Variants in MAP3K21 observed in about 807,000 individuals in gnomAD.
MAP3K21 encodes mitogen-activated protein kinase kinase kinase MLK4.
MAP3K21 carries 63 observed loss-of-function variants against 86.1 expected under a neutral mutation model. That is an observed-to-expected ratio of 0.73 (90% CI 0.60 to 0.90). The LOEUF (loss-of-function observed/expected upper bound fraction) is 0.90, where lower values mean the gene tolerates loss of function less well. Among genes scored for constraint, MAP3K21 ranks in the 40% least tolerant of loss-of-function variants. The pLI, the probability that MAP3K21 is intolerant of heterozygous loss-of-function variation, is 0.00. For missense variants in MAP3K21, 1,220 were observed against 1,367.7 expected (o/e 0.89, Z 1.70); for synonymous variants, 558 against 564.8 (o/e 0.99, Z 0.17).
At chr1:233,356,987 A>G (rs1290394157) in intron 4 of MAP3K21, among the ~76,000 whole-genome samples, 1 of 152,224 alleles carries the variant, frequency 6.6e-6, no homozygotes, top group Non-Finnish European at 1.5e-5. Context: ...AGAAAGACTA[A>G]TGTCCGGGTG....
intron 5 of MAP3K21, among the ~76,000 whole-genome samples, chr1:233,364,071 G>A (rs2102759839): frequency 6.6e-6 from 1 of 152,176 alleles, no homozygotes; most frequent in Middle Eastern, 3.4e-3. Flanking sequence ...CATCATGAGA[G>A]TCCAGTATAT....
chr1:233,381,321 A>G (rs1558465582), intron 9 of MAP3K21, among the ~76,000 whole-genome samples: 3 of 152,218 alleles, frequency 2.0e-5, no homozygotes, highest in African/African-American at 4.8e-5. Context: ...CCTAATCTGT[A>G]CAATTGAGAT....
chr1:233,342,972 A>G (rs2102762077), intron 1 of MAP3K21, among the ~76,000 whole-genome samples: 1 of 152,274 alleles, frequency 6.6e-6, no homozygotes, highest in South Asian at 2.1e-4. Context: ...TGCTCTCTAA[A>G]TTTCAGTTAC....
At chr1:233,345,182 C>G (rs1026811983) in intron 1 of MAP3K21, among the ~76,000 whole-genome samples, 2 of 152,182 alleles carry the variant, frequency 1.3e-5, no homozygotes, top group Non-Finnish European at 2.9e-5. Flanking sequence ...GGCGATTCCT[C>G]AAGGATCTAG....
chr1:233,374,047 G>A (rs143036518), intron 6 of MAP3K21: 12 of 152,222 alleles, frequency 7.9e-5, no homozygotes, highest in East Asian at 3.9e-4. Flanking sequence ...AAGCTTTTCC[G>A]GTTCTGCTGC....
chr1:233,376,529 T>TA lies in MAP3K21; in HGVS notation c.1924+5dup, dbSNP rs779427367. ...CTTCATTGTTTGTGGACCAGCCAGGTAAATGTGTTTCAGGAGGTAGGATTT... is the reference window on the plus strand; with the variant it reads ...CTTCATTGTTTGTGGACCAGCCAGGTAAAATGTGTTTCAGGAGGTAGGATTT... On this transcript the variant is annotated splice_region_variant and intron_variant, in intron 8 of 9. Coordinates refer to ENST00000366624, the MANE Select transcript of MAP3K21 (RefSeq NM_032435.3). 6.2e-7 allele frequency: 1 copy of TA among 1,604,656 alleles called. No individual in the cohort carries two copies. The highest frequency in any genetic ancestry group is 1.7e-4 in the Middle Eastern group (1 of 6,050).
Position 233,362,095 on chromosome 1 carries a change from C to A in MAP3K21, c.1354C>A (p.Gln452Lys). 3.7e-6 allele frequency: 6 copies of A among 1,613,358 alleles called. No individual in the cohort carries two copies. Among genetic ancestry groups the A allele is most frequent in the Non-Finnish European group, 5.1e-6 (6 of 1,179,710 alleles). The change falls in exon 5 of 10, where the codon CAG becomes AAG. Residue 452 changes from glutamine (Q) to lysine (K), a missense_variant. Gln to Lys is a moderately conservative substitution (Grantham distance 53). Transcript: ENST00000366624. ...AGAGGAGCTGACTCGGGCGGCTCTG[C>A]AGCAGAAGTCTCAGGAGGAGCTGCT... is the stretch of plus-strand genomic sequence containing the variant. ...REEELTRAALQQKSQEELLKR... is the reference protein window; with the variant it reads ...REEELTRAALKQKSQEELLKR...
At position 233,370,778 on chromosome 1, in the gene MAP3K21, G is replaced by A. The variant is rs142180958; in HGVS notation, c.1553-1260G>A. ...TAGAGGAATGCAGGATTAGATTGCT[G>A]GGTTAAACGCAGACCTGGTTGATGT... On this transcript the variant is annotated intron_variant, in intron 5 of 9. Coordinates refer to ENST00000366624, the MANE Select transcript of MAP3K21 (RefSeq NM_032435.3). 6.5e-3 allele frequency among the ~76,000 whole-genome samples: 986 copies of A among 152,328 alleles called. 10 individuals carry two copies. Among genetic ancestry groups the A allele is most frequent in the Middle Eastern group, 0.027 (8 of 294 alleles).
rs1454058918 is a variant in MAP3K21 at position 233,341,286 on chromosome 1, A to G, written c.806-5156A>G. 4.6e-5 allele frequency among the ~76,000 whole-genome samples: 7 copies of G among 152,280 alleles called. No individual in the cohort carries two copies. The East Asian group carries it at 1.2e-3, about 25-fold the overall frequency. ...AGGAAGCGGAAGTTGGCTGCCAACC[A>G]TGTGTCTTTAGGCTGAAACCTGGCA... On this transcript the variant is annotated intron_variant, in intron 1 of 9. Coordinates refer to ENST00000366624, the MANE Select transcript of MAP3K21 (RefSeq NM_032435.3).
At chr1:233,362,726 A>C (rs772931262) in intron 5 of MAP3K21, among the ~76,000 whole-genome samples, 7 of 152,066 alleles carry the variant, frequency 4.6e-5, no homozygotes, top group Non-Finnish European at 8.8e-5. Context: ...TGGGACACTG[A>C]TATTGTTGTC....
At chr1:233,381,078 G>A (rs760109810) in intron 9 of MAP3K21, among the ~76,000 whole-genome samples, 2 of 152,208 alleles carry the variant, frequency 1.3e-5, no homozygotes, top group African/African-American at 2.4e-5. Flanking sequence ...TCAAGTTCTA[G>A]TTGTACTATT....
chr1:233,374,286 C>T (rs1217508489), intron 6 of MAP3K21, among the ~76,000 whole-genome samples: 2 of 151,968 alleles, frequency 1.3e-5, no homozygotes, highest in East Asian at 1.9e-4. Context: ...AGTGATTCTC[C>T]TGCCTCAGCC....
At chr1:233,330,229 C>A (rs755477323) in intron 1 of MAP3K21, among the ~76,000 whole-genome samples, 1 of 152,148 alleles carries the variant, frequency 6.6e-6, no homozygotes, top group African/African-American at 2.4e-5. Flanking sequence ...ATTTCATGAT[C>A]CTCCTTCCCC....
intron 5 of MAP3K21, among the ~76,000 whole-genome samples, chr1:233,367,221 G>A (rs1302489022): frequency 6.6e-6 from 1 of 152,250 alleles, no homozygotes; most frequent in East Asian, 1.9e-4. Context: ...TCACAGGTAT[G>A]CGAGTGAGTA....
Position 233,328,538 on chromosome 1 carries a change from C to A in MAP3K21, c.510C>A (p.Arg170=). ...CGGCGGCTGCCGAGAGCGTGCGGCG[C>A]GAGGCTCGGCTCTTCGCCATGCTGC... The part of the protein sequence containing the change: ...DAAAAAESVR[R]EARLFAMLRH... Residue 170 remains arginine, a synonymous_variant, in exon 1 of 10, where the codon CGC becomes CGA. Coordinates refer to ENST00000366624, the MANE Select transcript of MAP3K21 (RefSeq NM_032435.3). This position sits in a 1 kb window ranked among gnomAD's most constrained non-coding sequence, Gnocchi z 8.7. 1 of 1,531,902 alleles carries A rather than the reference C, an allele frequency of 6.5e-7. No homozygotes were observed. The highest frequency in any genetic ancestry group is 8.7e-7 in the Non-Finnish European group (1 of 1,150,446). 94.9% of individuals were successfully genotyped at this position (1,531,902 alleles called of 1,614,324 possible). A position where few individuals can be genotyped will look rare whatever the true frequency, so the allele number is the denominator to read the frequency against.
At position 233,353,971 on chromosome 1, in the gene MAP3K21, G is replaced by A. The variant is rs771923714; in HGVS notation, c.1135+16G>A. The A allele has an allele frequency of 2.5e-5, 37 of 1,495,528 alleles. No homozygotes were observed. Among genetic ancestry groups the A allele is most frequent in the Non-Finnish European group, 3.0e-5 (34 of 1,119,106 alleles). 92.6% of individuals were successfully genotyped at this position (1,495,528 alleles called of 1,614,324 possible). ...CTCATGAAAGGTATTGTGTGTGTGTGTGTGTGTCTTTGTGGGGGCAAGAAT... is the reference window on the plus strand; with the variant it reads ...CTCATGAAAGGTATTGTGTGTGTGTATGTGTGTCTTTGTGGGGGCAAGAAT... On this transcript the variant is annotated intron_variant, in intron 3 of 9. Transcript: ENST00000366624.
At chr1:233,354,247 G>A (rs10910133) in intron 3 of MAP3K21, among the ~76,000 whole-genome samples, 66,997 of 151,918 alleles carry the variant, frequency 0.44, 15,182 homozygotes, top group Admixed American at 0.56. Context: ...TTCAAATACA[G>A]TATTGAATTG....
chr1:233,371,317 G>C (rs1304710532), intron 5 of MAP3K21, among the ~76,000 whole-genome samples: 1 of 152,050 alleles, frequency 6.6e-6, no homozygotes. Context: ...ATGAGAACCA[G>C]GACTCATTTA....
chr1:233,328,664 G>A lies in MAP3K21; in HGVS notation c.636G>A (p.Leu212=). The part of the protein sequence containing the change: ...FARGGALNRA[L]AAANAAPDPR... ...GCGGCGGAGCGCTCAACCGAGCGCT[G>A]GCCGCTGCCAACGCCGCCCCGGACC... is the stretch of plus-strand genomic sequence containing the variant. Residue 212 remains leucine (L), a synonymous_variant, in exon 1 of 10, where the codon CTG becomes CTA. Coordinates refer to ENST00000366624, the MANE Select transcript of MAP3K21 (RefSeq NM_032435.3). The surrounding 1 kb of genome is among the most constrained non-coding windows in gnomAD (Gnocchi z 8.7). 7.4e-7 allele frequency: 1 copy of A among 1,342,520 alleles called. No individual in the cohort carries two copies. The highest frequency in any genetic ancestry group is 9.5e-7 in the Non-Finnish European group (1 of 1,049,130). The allele number at this position is 1,342,520 out of a possible 1,614,324, so 83.2% of individuals were successfully genotyped here. A position where few individuals can be genotyped will look rare whatever the true frequency, so the allele number is the denominator to read the frequency against.
Sources: allele counts gnomAD v4.1 joint callset (sites outside exome capture counted in the v4.1 genomes callset), GRCh38; gene constraint gnomAD v4.1.1; non-coding constraint Gnocchi (gnomAD v3.1); transcripts MANE v1.5; gene names NCBI Gene and HGNC (gene_info 2026-07-23, HGNC 2026-07-21).